ARHGAP15: variants seen among roughly 807,000 people sequenced by gnomAD.
ARHGAP15 encodes the protein Rho GTPase activating protein 15.
ARHGAP15 carries 51 observed loss-of-function variants against 63.7 expected under a neutral mutation model. That is an observed-to-expected ratio of 0.80 (90% CI 0.64 to 1.01). The LOEUF (loss-of-function observed/expected upper bound fraction) is 1.01. ARHGAP15 is among the 50% of genes least tolerant of loss of function. The pLI, the probability that ARHGAP15 is intolerant of heterozygous loss-of-function variation, is 0.00. For missense variants in ARHGAP15, 560 were observed against 564.6 expected, an observed-to-expected ratio of 0.99 and a Z score of 0.08; for synonymous variants, 191 against 193.8, an observed-to-expected ratio of 0.99 and a Z score of 0.12.
chr2:143,575,985 AC>A (rs1489630029), intron 11 of ARHGAP15, among the ~76,000 whole-genome samples: 1 of 152,130 alleles, frequency 6.6e-6, no homozygotes. Context: ...TGTTATTCTG[AC>A]AAAGAAGTGC....
At chr2:143,508,562 G>A (rs929361059) in intron 9 of ARHGAP15, among the ~76,000 whole-genome samples, 2 of 152,254 alleles carry the variant, frequency 1.3e-5, no homozygotes, top group South Asian at 4.1e-4. Flanking sequence ...ATGCATAAAG[G>A]ATTTACTTGG....
chr2:143,723,559 G>A (rs944688001), intron 13 of ARHGAP15, among the ~76,000 whole-genome samples: 1 of 152,094 alleles, frequency 6.6e-6, no homozygotes, highest in Non-Finnish European at 1.5e-5. Context: ...AGTGCCACAG[G>A]GTGCAATCTA....
At chr2:143,603,513 C>T (rs1049493929) in intron 11 of ARHGAP15, among the ~76,000 whole-genome samples, 10 of 152,070 alleles carry the variant, frequency 6.6e-5, no homozygotes, top group African/African-American at 2.2e-4. Flanking sequence ...CCCCCTCTGT[C>T]GATGTATCTT....
rs116709246 is a variant in ARHGAP15, at chr2:143,524,938, T to C, written c.925+5574T>C. Among the ~76,000 whole-genome samples the C allele has an allele frequency of 9.9e-3, 1,507 of 152,320 alleles. 13 individuals are homozygous for C. Among genetic ancestry groups the C allele is most frequent in the Middle Eastern group, 0.041 (12 of 294 alleles). On this transcript the variant is annotated intron_variant, in intron 10 of 13. Coordinates refer to ENST00000295095, the MANE Select transcript of ARHGAP15 (RefSeq NM_018460.4). ...GTATAGTAGCAAGCATTGTAGTTGT[T>C]AATATAATTTTCCTGATATTTGATC... is the stretch of plus-strand genomic sequence containing the variant.
intron 4 of ARHGAP15, among the ~76,000 whole-genome samples, chr2:143,227,823 G>A (rs1353806737): frequency 6.6e-6 from 1 of 152,076 alleles, no homozygotes; most frequent in Admixed American, 6.6e-5. Flanking sequence ...CAATTTGTGA[G>A]ACTATTTCTC....
intron 6 of ARHGAP15, among the ~76,000 whole-genome samples, chr2:143,404,235 A>T (rs1688106363): frequency 6.6e-6 from 1 of 151,240 alleles, no homozygotes; most frequent in African/African-American, 2.4e-5. Context: ...GGCAAAGGAG[A>T]TGGAGAAAAC....
chr2:143,656,593 G>A (rs576888437), intron 12 of ARHGAP15, among the ~76,000 whole-genome samples: 2 of 152,214 alleles, frequency 1.3e-5, no homozygotes, highest in East Asian at 3.8e-4. Flanking sequence ...CCTTGAAGGT[G>A]ATAATGTTCT....
At chr2:143,571,389 CTA>C (rs1696447952) in intron 11 of ARHGAP15, among the ~76,000 whole-genome samples, 1 of 152,190 alleles carries the variant, frequency 6.6e-6, no homozygotes, top group African/African-American at 2.4e-5. Context: ...TGCTATTACA[CTA>C]AATCTTTGTA....
At chr2:143,565,849 C>T (rs1279202141) in intron 11 of ARHGAP15, among the ~76,000 whole-genome samples, 2 of 152,192 alleles carry the variant, frequency 1.3e-5, no homozygotes, top group Non-Finnish European at 1.5e-5. Context: ...AGTCATACTG[C>T]TCTTGCTAAC....
chr2:143,254,059 T>C (rs1680300207), intron 6 of ARHGAP15, among the ~76,000 whole-genome samples: 1 of 152,160 alleles, frequency 6.6e-6, no homozygotes, highest in Non-Finnish European at 1.5e-5. Context: ...ACAGCAACAC[T>C]AGGTCTTCAT....
intron 6 of ARHGAP15, among the ~76,000 whole-genome samples, chr2:143,261,390 G>C (rs1052755172): frequency 7.3e-6 from 1 of 137,340 alleles, no homozygotes; most frequent in Non-Finnish European, 1.5e-5. Context: ...CTTGAGTGGA[G>C]TACAGTGGCA....
At position 143,465,843 on chromosome 2, in the gene ARHGAP15, C is replaced by T. The variant is rs531518486; in HGVS notation, c.704-21530C>T. Among the ~76,000 whole-genome samples the T allele has an allele frequency of 3.9e-5, 6 of 152,104 alleles. No individual in the cohort carries two copies. The South Asian group carries it at 1.0e-3, about 26-fold the overall frequency. ...TTTCTCCATTTGTGCTTAGGTATGA[C>T]ACTTTTTGCAATTCCAAATTCACAT... On this transcript the variant is annotated intron_variant, in intron 8 of 13. Transcript: ENST00000295095.
At chr2:143,408,895 C>T (rs2105016632) in intron 6 of ARHGAP15, among the ~76,000 whole-genome samples, 1 of 151,224 alleles carries the variant, frequency 6.6e-6, no homozygotes, top group East Asian at 1.9e-4. Flanking sequence ...AAATTAATTC[C>T]CTTTGTTATT....
chr2:143,551,659 CTT>C lies in ARHGAP15; in HGVS notation c.926-4748_926-4747del, dbSNP rs1695568902. ...AGTTATCCTATAGAATAAAATGATTCTTGTTTGAAAATCAAAATTGTGCCAGC... is the reference window on the plus strand; with the variant it reads ...AGTTATCCTATAGAATAAAATGATTCGTTTGAAAATCAAAATTGTGCCAGC... On this transcript the variant is annotated intron_variant, in intron 10 of 13. Coordinates refer to ENST00000295095, the MANE Select transcript of ARHGAP15 (RefSeq NM_018460.4). Among the ~76,000 whole-genome samples, 3 of 151,972 alleles carry C rather than the reference CTT, an allele frequency of 2.0e-5. No homozygotes were observed. In the South Asian group the frequency reaches 6.2e-4, roughly 32 times the overall value.
chr2:143,755,666 A>C (rs2105536861), intron 13 of ARHGAP15, among the ~76,000 whole-genome samples: 1 of 152,242 alleles, frequency 6.6e-6, no homozygotes, highest in Non-Finnish European at 1.5e-5. Context: ...TGTCCCTCTT[A>C]AAGTCACTGC....
intron 9 of ARHGAP15, among the ~76,000 whole-genome samples, chr2:143,508,803 A>G (rs1310168938): frequency 6.6e-6 from 1 of 152,228 alleles, no homozygotes; most frequent in African/African-American, 2.4e-5. Context: ...CAAAATGCCT[A>G]CTGCACTAGT....
chr2:143,677,787 C>T (rs530106937), intron 12 of ARHGAP15, among the ~76,000 whole-genome samples: 1 of 152,198 alleles, frequency 6.6e-6, no homozygotes, highest in East Asian at 1.9e-4. Context: ...CTCAAAGATA[C>T]ATAATATGTA....
At chr2:143,578,239 A>G (rs368549258) in intron 11 of ARHGAP15, among the ~76,000 whole-genome samples, 5 of 151,724 alleles carry the variant, frequency 3.3e-5, no homozygotes, top group African/African-American at 9.6e-5. Flanking sequence ...TTAGGAGCAA[A>G]AACCACATGC....
At chr2:143,171,209 C>A (rs748738689) in intron 2 of ARHGAP15, among the ~76,000 whole-genome samples, 1 of 152,154 alleles carries the variant, frequency 6.6e-6, no homozygotes, top group Non-Finnish European at 1.5e-5. Flanking sequence ...CTATTGTATT[C>A]ATTGAGGCTG....
Sources: allele counts gnomAD v4.1 joint callset (sites outside exome capture counted in the v4.1 genomes callset), GRCh38; gene constraint gnomAD v4.1.1; transcripts MANE v1.5; gene names NCBI Gene and HGNC (gene_info 2026-07-23, HGNC 2026-07-21).